The following DTL variants were observed in gnomAD, a reference collection of about 807,000 sequenced individuals.
DTL encodes the protein denticleless protein homolog.
In DTL, 46 loss-of-function variants were observed where a neutral mutation model predicts 87.0. The observed-to-expected ratio is 0.53, with a 90% CI of 0.42 to 0.68. The LOEUF is 0.68. DTL is among the 30% of genes least tolerant of loss of function. The pLI is 0.00. For missense variants in DTL, 737 were observed against 869.4 expected (o/e 0.85, Z 1.91); for synonymous variants, 308 against 311.2 (o/e 0.99, Z 0.11).
At chr1:212,056,249 A>G (rs574174732) in intron 5 of DTL, among the ~76,000 whole-genome samples, 1 of 152,198 alleles carries the variant, frequency 6.6e-6, no homozygotes, top group Non-Finnish European at 1.5e-5. Context: ...CTTGGGGCCA[A>G]AGGACACACA....
At chr1:212,057,487 G>A (rs538898265) in intron 5 of DTL, among the ~76,000 whole-genome samples, 11 of 152,046 alleles carry the variant, frequency 7.2e-5, no homozygotes, top group Admixed American at 1.3e-4. Context: ...TAGATGGGCC[G>A]TACAGAAAAT....
chr1:212,068,269 A>G lies in DTL; in HGVS notation c.759A>G (p.Arg253=), dbSNP rs1306080612. The change falls in exon 9 of 15, where the codon CGA becomes CGG. Residue 253 remains arginine (R), a synonymous_variant. Transcript: ENST00000366991. ...WDLRKNYTAY[R]QEPIASKSFL... is the part of the protein sequence containing the mutation. ...TACGTAAGAATTATACTGCTTATCG[A>G]CAAGAACCCATAGCATCCAAGTCTT... is the stretch of plus-strand genomic sequence containing the variant. 1.2e-6 allele frequency: 2 copies of G among 1,612,484 alleles called. No homozygotes were observed. Among genetic ancestry groups the G allele is most frequent in the South Asian group, 1.1e-5 (1 of 90,680 alleles).
At chr1:212,073,125 G>A (rs1052255434) in intron 11 of DTL, among the ~76,000 whole-genome samples, 1 of 152,100 alleles carries the variant, frequency 6.6e-6, no homozygotes, top group African/African-American at 2.4e-5. Flanking sequence ...TGTAAGCTAA[G>A]AAATTTAAAG....
chr1:212,062,589 CTG>C (rs1184232430), intron 5 of DTL, among the ~76,000 whole-genome samples: 3 of 152,124 alleles, frequency 2.0e-5, no homozygotes, highest in African/African-American at 4.8e-5. Context: ...AAGAAGCACT[CTG>C]TATTTTGACT....
In DTL at chr1:212,037,617, C is replaced by A. The variant is rs372676378; in HGVS notation, c.52+1675C>A. ...TTTTGGTCACACAAACACCACCGAA[C>A]TTCTAAAGAAAGACTCAAAGTACTT... On this transcript the variant is annotated intron_variant, in intron 1 of 14. Transcript: ENST00000366991. 9.2e-5 allele frequency among the ~76,000 whole-genome samples: 14 copies of A among 152,326 alleles called. No individual in the cohort carries two copies. The East Asian group carries it at 1.3e-3, about 15-fold the overall frequency.
intron 6 of DTL, among the ~76,000 whole-genome samples, chr1:212,064,174 AAAT>A (rs1319285024): frequency 2.6e-5 from 4 of 152,134 alleles, no homozygotes; most frequent in Non-Finnish European, 5.9e-5. Context: ...ATTTTGAAAT[AAAT>A]AATAAAATTA....
intron 3 of DTL, among the ~76,000 whole-genome samples, chr1:212,045,579 G>A (rs1193579280): frequency 1.3e-5 from 2 of 152,160 alleles, no homozygotes; most frequent in Non-Finnish European, 2.9e-5. Context: ...TGATGTAGAA[G>A]TAGAAAGAAA....
chr1:212,062,625 C>T (rs897225358), intron 5 of DTL, among the ~76,000 whole-genome samples: 4 of 152,160 alleles, frequency 2.6e-5, no homozygotes, highest in African/African-American at 9.7e-5. Context: ...CTTATTACAA[C>T]TGTACTATAT....
At chr1:212,038,356 C>T (rs1290336646) in intron 1 of DTL, among the ~76,000 whole-genome samples, 2 of 152,212 alleles carry the variant, frequency 1.3e-5, no homozygotes, top group East Asian at 1.9e-4. Context: ...AGCACCTAGA[C>T]GGTCAATCCC....
At chr1:212,050,729 T>TG (rs1413901766) in intron 5 of DTL, among the ~76,000 whole-genome samples, 1 of 57,326 alleles carries the variant, frequency 1.7e-5, no homozygotes, top group East Asian at 3.5e-4. Context: ...GGAGAAGATA[T>TG]TTGGCCTATT....
rs1234923000 is a variant in DTL, at chr1:212,103,587, G to C, written c.*647G>C. 2 of 152,158 alleles carry C rather than the reference G, an allele frequency of 1.3e-5. No homozygotes were observed. The highest frequency in any genetic ancestry group is 4.8e-5 in the African/African-American group (2 of 41,442). The allele number at this position is 152,158 out of a possible 1,614,324, so 9.4% of individuals were successfully genotyped here. On this transcript the variant is annotated 3_prime_UTR_variant, in exon 15 of 15. Coordinates refer to ENST00000366991, the MANE Select transcript of DTL (RefSeq NM_016448.4). ...AAATGTCAACTCTTCGGAGAAACTA[G>C]GAGAACAACAACAGAAAGCTGTGTT...
chr1:212,072,408 C>T (rs754196340), intron 11 of DTL, among the ~76,000 whole-genome samples, 195 bp downstream of exon 11: 8 of 152,182 alleles, frequency 5.3e-5, no homozygotes, highest in Non-Finnish European at 1.0e-4. Context: ...CTTTCAGGGC[C>T]ATAGCTTGTC....
chr1:212,053,338 G>T (rs181155408), intron 5 of DTL, among the ~76,000 whole-genome samples: 1 of 152,132 alleles, frequency 6.6e-6, no homozygotes, highest in East Asian at 1.9e-4. Context: ...CATGATCATA[G>T]GCACATGCCA....
At chr1:212,092,847 T>C (rs1363559730) in intron 13 of DTL, among the ~76,000 whole-genome samples, 1 of 152,184 alleles carries the variant, frequency 6.6e-6, no homozygotes, top group African/African-American at 2.4e-5. Flanking sequence ...CTCTGTACTG[T>C]TTTCCATAGT....
chr1:212,095,492 T>A (rs894880365), intron 13 of DTL, among the ~76,000 whole-genome samples: 2 of 152,118 alleles, frequency 1.3e-5, no homozygotes, highest in Non-Finnish European at 2.9e-5. Context: ...GTAGCTGAGA[T>A]ACCACATCTG....
chr1:212,043,828 C>CAAAAAAA (rs35962372), intron 2 of DTL, among the ~76,000 whole-genome samples: 1 of 83,698 alleles, frequency 1.2e-5, no homozygotes. Context: ...ACTTCATCTC[C>CAAAAAAA]AAAAAAAAAA....
chr1:212,047,488 T>C (rs574426309), intron 5 of DTL, 71 bp downstream of exon 5: 691 of 1,572,020 alleles, frequency 4.4e-4, no homozygotes, highest in Non-Finnish European at 5.8e-4. Context: ...CCTGTAATTG[T>C]TTCTACCCTT....
rs1416515273 is a variant in DTL at position 212,051,989 on chromosome 1, T to C, written c.460+4572T>C. 29 of 802,444 alleles carry C rather than the reference T, an allele frequency of 3.6e-5. No homozygotes were observed. The East Asian group carries it at 6.2e-4, about 17-fold the overall frequency. The allele number at this position is 802,444 out of a possible 1,614,324, so 49.7% of individuals were successfully genotyped here. A position where few individuals can be genotyped will look rare whatever the true frequency, so the allele number is the denominator to read the frequency against. ...ACATATATCGGGTGCCTCTCCTCTT[T>C]CCCTTTGTGTTTGTCATTTTGGCGA... On this transcript the variant is annotated intron_variant, in intron 5 of 14. Transcript: ENST00000366991.
At chr1:212,047,597 A>G (rs1667844294) in intron 5 of DTL, among the ~76,000 whole-genome samples, 180 bp downstream of exon 5, 4 of 152,206 alleles carry the variant, frequency 2.6e-5, no homozygotes. Flanking sequence ...CAGTGGCGCC[A>G]TCTCGGCTCA....
Sources: gnomAD v4.1 joint callset for allele counts (sites outside exome capture counted in the v4.1 genomes callset) on GRCh38, gnomAD v4.1.1 for gene constraint, MANE v1.5 for transcripts, NCBI Gene and HGNC (gene_info 2026-07-23, HGNC 2026-07-21) for gene names.